Variants in MRM2 observed in about 807,000 individuals in gnomAD.
MRM2 encodes rRNA methyltransferase 2, mitochondrial.
In MRM2, 15 loss-of-function variants were observed where a neutral mutation model predicts 10.9. The observed-to-expected ratio is 1.37, with a 90% CI of 0.92 to 2.11. MRM2 has a LOEUF of 2.11. Among genes scored for constraint, MRM2 ranks in the 30% most tolerant of loss-of-function variants. The pLI, the probability that MRM2 is intolerant of heterozygous loss-of-function variation, is 0.00. For synonymous variants in MRM2, 139 were observed against 128.7 expected (o/e 1.08, Z -0.54); for missense variants, 328 against 321.3 (o/e 1.02, Z -0.16).
At chr7:2,236,695 G>T (rs1297549919) in intron 2 of MRM2, among the ~76,000 whole-genome samples, 1 of 152,130 alleles carries the variant, frequency 6.6e-6, no homozygotes, top group South Asian at 2.1e-4. Flanking sequence ...AATGAAACAC[G>T]GTCCCTTTCT....
chr7:2,236,222 T>C (rs1330819009), intron 2 of MRM2, among the ~76,000 whole-genome samples: 1 of 152,042 alleles, frequency 6.6e-6, no homozygotes, highest in Non-Finnish European at 1.5e-5. Flanking sequence ...AGAGCGAGAC[T>C]CGATCTCAAA....
Position 2,239,667 on chromosome 7 carries a change from A to G in MRM2, c.49T>C (p.Phe17Leu), listed in dbSNP as rs778132157. Residue 17 changes from phenylalanine (F) to leucine (L), a missense_variant, in exon 2 of 3, where the codon TTC becomes CTC. Coordinates refer to ENST00000242257, the MANE Select transcript of MRM2 (RefSeq NM_013393.3). Reference sequence around the variant, plus strand: ...TTGCAGCGACTCCCAACAGTGTGGAACCCTTGACGCTGAAAGGAAACACAC... The same window carrying G: ...TTGCAGCGACTCCCAACAGTGTGGAGCCCTTGACGCTGAAAGGAAACACAC... ...LVCVSFQRQG[F>L]HTVGSRCKNR... 3.1e-6 allele frequency: 5 copies of G among 1,613,930 alleles called. No homozygotes were observed. In the Admixed American group the frequency reaches 5.0e-5, roughly 16 times the overall value.
At chr7:2,241,317 T>C (rs1480829081) in intron 1 of MRM2, 1 of 151,436 alleles carries the variant, frequency 6.6e-6, no homozygotes, top group Non-Finnish European at 1.5e-5. Context: ...TGTTTTGCTA[T>C]CATCCAGGCT....
chr7:2,239,220 G>A (rs1794476320), intron 2 of MRM2, 198 bp downstream of exon 2: 4 of 793,286 alleles, frequency 5.0e-6, no homozygotes, highest in Non-Finnish European at 9.3e-6. Context: ...CATGTTCACT[G>A]CACCTTTCTA....
chr7:2,239,779 C>T (rs1239751039), intron 1 of MRM2, 72 bp from the exon 2 acceptor site: 42 of 1,356,232 alleles, frequency 3.1e-5, no homozygotes, highest in Non-Finnish European at 4.0e-5. Context: ...GGAGGGCCCT[C>T]GGATCAACTC....
Position 2,235,069 on chromosome 7 carries a change from G to A in MRM2, c.*53C>T, listed in dbSNP as rs967726198. Reference sequence around the variant, plus strand: ...GGAACTCTTCAGGAGCTCAGGCTACGTTTCTAGCTTAAAAGGAGCTAATGA... The same window carrying A: ...GGAACTCTTCAGGAGCTCAGGCTACATTTCTAGCTTAAAAGGAGCTAATGA... On this transcript the variant is annotated 3_prime_UTR_variant, in exon 3 of 3. Coordinates refer to ENST00000242257, the MANE Select transcript of MRM2 (RefSeq NM_013393.3). The A allele has an allele frequency of 7.1e-5, 99 of 1,401,668 alleles. No homozygotes were observed. In the African/African-American group the frequency reaches 9.2e-4, roughly 13 times the overall value. 86.8% of individuals were successfully genotyped at this position (1,401,668 alleles called of 1,614,324 possible). A position where few individuals can be genotyped will look rare whatever the true frequency, so the allele number is the denominator to read the frequency against.
At chr7:2,235,666 G>A in intron 2 of MRM2, 102 bp from the exon 3 acceptor site, 3 of 817,658 alleles carry the variant, frequency 3.7e-6, no homozygotes, top group Non-Finnish European at 5.7e-6. Flanking sequence ...AAAATGTCAA[G>A]ACCAAGGCAA....
In MRM2 at chr7:2,242,187, G is replaced by A; in HGVS notation, c.-18C>T. On this transcript the variant is annotated 5_prime_UTR_variant, in exon 1 of 3. Transcript: ENST00000242257. ...CCCGCCATTGGTGTTCCCCGCGCCT[G>A]CAGCGCGCCGCCGGAAGTGCCTGGC... The A allele has an allele frequency of 1.3e-6, 2 of 1,576,634 alleles. No individual in the cohort carries two copies. The highest frequency in any genetic ancestry group is 1.7e-6 in the Non-Finnish European group (2 of 1,166,990).
chr7:2,240,328 C>T (rs987077663), intron 1 of MRM2: 1 of 455,316 alleles, frequency 2.2e-6, no homozygotes, highest in African/African-American at 2.0e-5. Context: ...CTCATAAGGA[C>T]AGATCCTTGC....
In MRM2 at chr7:2,235,253, A is replaced by T; in HGVS notation, c.610T>A (p.Leu204Ile). 1 of 1,614,154 alleles carries T rather than the reference A, an allele frequency of 6.2e-7. No individual in the cohort carries two copies. Among genetic ancestry groups the T allele is most frequent in the Non-Finnish European group, 8.5e-7 (1 of 1,180,008 alleles). ...KTWAGSQSRR[L>I]QRRLTEEFQN... ...AATTCCTCTGTCAGTCTCCTCTGTA[A>T]CCGACGGCTTTGACTTCCAGCCCAG... is the stretch of plus-strand genomic sequence containing the variant. Residue 204 changes from leucine (L) to isoleucine (I), a missense_variant, in exon 3 of 3, where the codon TTA becomes ATA. Leu to Ile is a conservative substitution (Grantham distance 5). Transcript: ENST00000242257.
chr7:2,237,207 C>T (rs1794433830), intron 2 of MRM2, among the ~76,000 whole-genome samples: 2 of 152,200 alleles, frequency 1.3e-5, no homozygotes, highest in South Asian at 2.1e-4. Context: ...ACCATATTGC[C>T]CAGGCTGGTC....
Position 2,235,334 on chromosome 7 carries a change from G to A in MRM2, c.529C>T (p.Leu177Phe), listed in dbSNP as rs201950905. The change falls in exon 3 of 3, where the codon CTT (leucine) becomes TTT (phenylalanine). Residue 177 changes from leucine (L) to phenylalanine (F), a missense_variant. Coordinates refer to ENST00000242257, the MANE Select transcript of MRM2 (RefSeq NM_013393.3). ...HDRLISLCLT[L>F]LSVTPDILQP... ...AGGATGTCTGGGGTCACGCTGAGAAGGGTCAGGCACAGGCTGATGAGCCTG... is the reference window on the plus strand; with the variant it reads ...AGGATGTCTGGGGTCACGCTGAGAAAGGTCAGGCACAGGCTGATGAGCCTG... The A allele has an allele frequency of 9.3e-6, 15 of 1,614,022 alleles. No homozygotes were observed. Among genetic ancestry groups the A allele is most frequent in the Middle Eastern group, 1.6e-4 (1 of 6,084 alleles).
chr7:2,238,387 T>C (rs1037520870), intron 2 of MRM2: 7 of 152,252 alleles, frequency 4.6e-5, no homozygotes, highest in Admixed American at 3.9e-4. Context: ...GACAGTGTCT[T>C]CAGTTGCATG....
At position 2,241,880 on chromosome 7, in the gene MRM2, C is replaced by A. The variant is rs56785002; in HGVS notation, c.8+282G>T. On this transcript the variant is annotated intron_variant, in intron 1 of 2. Transcript: ENST00000242257. ...AATCCCGCCCCGGGCTCGCCCCCGG[C>A]GCCTTGGATCTGGGCCCCGGCGCTG... 1.7e-3 allele frequency: 699 copies of A among 414,992 alleles called. 11 individuals are homozygous for A. The East Asian group carries it at 0.027, about 16-fold the overall frequency. The allele number at this position is 414,992 out of a possible 1,614,324, so 25.7% of individuals were successfully genotyped here. A position where few individuals can be genotyped will look rare whatever the true frequency, so the allele number is the denominator to read the frequency against.
At chr7:2,237,173 ATT>A (rs1425901264) in intron 2 of MRM2, among the ~76,000 whole-genome samples, 1 of 152,096 alleles carries the variant, frequency 6.6e-6, no homozygotes, top group Non-Finnish European at 1.5e-5. Flanking sequence ...CACCTGGCTA[ATT>A]TTTTGTAGAG....
chr7:2,235,103 A>C lies in MRM2; in HGVS notation c.*19T>G. 1 of 1,592,946 alleles carries C rather than the reference A, an allele frequency of 6.3e-7. No individual in the cohort carries two copies. The highest frequency in any genetic ancestry group is 1.1e-5 in the South Asian group (1 of 90,146). ...TTAAAAGGAGCTAATGACCATTATGAAAATGGCACAAGAAATCCTCACTGC... is the reference window on the plus strand; with the variant it reads ...TTAAAAGGAGCTAATGACCATTATGCAAATGGCACAAGAAATCCTCACTGC... On this transcript the variant is annotated 3_prime_UTR_variant, in exon 3 of 3. Coordinates refer to ENST00000242257, the MANE Select transcript of MRM2 (RefSeq NM_013393.3).
In MRM2 at chr7:2,234,212, A is replaced by C. The variant is rs951830089; in HGVS notation, c.*910T>G. ...CATGAAAGTACCTTAAAATAATGCA[A>C]TCTCTATTATTTTATTAAATATAAA... On this transcript the variant is annotated 3_prime_UTR_variant, in exon 3 of 3. Transcript: ENST00000242257. 6.6e-6 allele frequency: 1 copy of C among 152,248 alleles called. No individual in the cohort carries two copies. The highest frequency in any genetic ancestry group is 1.9e-4 in the East Asian group (1 of 5,202). 9.4% of individuals were successfully genotyped at this position (152,248 alleles called of 1,614,324 possible). A position where few individuals can be genotyped will look rare whatever the true frequency, so the allele number is the denominator to read the frequency against.
chr7:2,237,556 G>C (rs531404439), intron 2 of MRM2, among the ~76,000 whole-genome samples: 1 of 152,136 alleles, frequency 6.6e-6, no homozygotes. Context: ...AGGACTCCAC[G>C]GTGATAAGCT....
rs1794387300 is a variant in MRM2 at position 2,234,791 on chromosome 7, G to A, written c.*331C>T. The stretch of plus-strand genomic sequence containing the variant: ...ATGAAGTCCCGTCAAGGCACACATG[G>A]GCACACCCATCCCTGCCTCGGCGGA... On this transcript the variant is annotated 3_prime_UTR_variant, in exon 3 of 3. Transcript: ENST00000242257. 8.7e-6 allele frequency: 3 copies of A among 345,744 alleles called. No homozygotes were observed. The highest frequency in any genetic ancestry group is 1.1e-5 in the Non-Finnish European group (2 of 186,734). 21.4% of individuals were successfully genotyped at this position (345,744 alleles called of 1,614,324 possible).
Sources: allele counts gnomAD v4.1 joint callset (sites outside exome capture counted in the v4.1 genomes callset), GRCh38; gene constraint gnomAD v4.1.1; transcripts MANE v1.5; gene names NCBI Gene and HGNC (gene_info 2026-07-23, HGNC 2026-07-21).